Variants in FARP1 observed in about 807,000 individuals in gnomAD.
The protein encoded by FARP1 is FERM, ARH/RhoGEF and pleckstrin domain protein 1.
In FARP1, 52 loss-of-function variants were observed where a neutral mutation model predicts 128.8. The ratio of observed to expected loss-of-function variants is 0.40; its 90% CI spans 0.32 to 0.51. The LOEUF (loss-of-function observed/expected upper bound fraction) is 0.51, where lower values mean the gene tolerates loss of function less well. Among genes scored for constraint, FARP1 ranks in the 20% least tolerant of loss-of-function variants. FARP1 has a pLI of 0.45. For missense variants in FARP1, 1,333 were observed against 1,367.9 expected, an observed-to-expected ratio of 0.97 and a Z score of 0.40; for synonymous variants, 580 against 551.8, an observed-to-expected ratio of 1.05 and a Z score of -0.72.
At chr13:98,209,939 G>T (rs1009649963) in intron 1 of FARP1, among the ~76,000 whole-genome samples, 6 of 150,938 alleles carry the variant, frequency 4.0e-5, no homozygotes, top group Non-Finnish European at 8.9e-5. Flanking sequence ...CCGAGATTGC[G>T]CCACTGCACT....
rs768822264 is a variant in FARP1 at position 98,431,231 on chromosome 13, G to A, written c.2094G>A (p.Arg698=). 1.3e-6 allele frequency: 2 copies of A among 1,587,762 alleles called. No individual in the cohort carries two copies. The highest frequency in any genetic ancestry group is 8.6e-7 in the Non-Finnish European group (1 of 1,167,604). Residue 698 remains arginine, a synonymous_variant, in exon 18 of 27, where the codon CGG becomes CGA. Coordinates refer to ENST00000319562, the MANE Select transcript of FARP1 (RefSeq NM_005766.4). ...TGCACTACAAGCAGGTCCTGGAGCG[G>A]CTGTGCAAACACCACCCGCCGAGCC... ...RLMHYKQVLE[R]LCKHHPPSHA... is the part of the protein sequence containing the mutation.
intron 18 of FARP1, chr13:98,434,332 T>TAAA (rs1410595738): frequency 1.3e-5 from 2 of 152,234 alleles, no homozygotes; most frequent in African/African-American, 4.8e-5. Flanking sequence ...TGGGTGGTCA[T>TAAA]GTCTGAAAAT....
At chr13:98,321,899 A>G (rs1378087790) in intron 2 of FARP1, among the ~76,000 whole-genome samples, 1 of 152,230 alleles carries the variant, frequency 6.6e-6, no homozygotes, top group Non-Finnish European at 1.5e-5. Context: ...CTGCCACGTA[A>G]TAGCTGGGGC....
At chr13:98,358,280 A>C (rs1044034728) in intron 3 of FARP1, among the ~76,000 whole-genome samples, 2 of 152,028 alleles carry the variant, frequency 1.3e-5, no homozygotes, top group African/African-American at 4.8e-5. Flanking sequence ...TTCCTACACC[A>C]GAGCCTGGAA....
rs7325981 is a variant in FARP1, at chr13:98,370,921, C to T, written c.398+2726C>T. Among the ~76,000 whole-genome samples, 365 of 152,244 alleles carry T rather than the reference C, an allele frequency of 2.4e-3. 5 individuals carry two copies. Among genetic ancestry groups the T allele is most frequent in the African/African-American group, 7.9e-3 (329 of 41,542 alleles). On this transcript the variant is annotated intron_variant, in intron 5 of 26. Coordinates refer to ENST00000319562, the MANE Select transcript of FARP1 (RefSeq NM_005766.4). The stretch of plus-strand genomic sequence containing the variant: ...AGCTACCTGCATAGGAGGGACAGCC[C>T]GAGCTGCTAAGCCGGGTCTGCACAG...
chr13:98,278,424 G>T (rs1594352104), intron 2 of FARP1, among the ~76,000 whole-genome samples: 1 of 152,136 alleles, frequency 6.6e-6, no homozygotes, highest in East Asian at 1.9e-4. Context: ...TGTGAGCATT[G>T]TGTATATGTG....
chr13:98,439,263 C>A, intron 21 of FARP1, 67 bp downstream of exon 21: 1 of 1,111,974 alleles, frequency 9.0e-7, no homozygotes, highest in Non-Finnish European at 1.3e-6. Flanking sequence ...CGCTGCTGAC[C>A]CGGCGATGAG....
Position 98,453,532 on chromosome 13 carries a change from T to G in FARP1, c.*5215T>G, listed in dbSNP as rs1893301479. ...CAAAAAGTGAACATTGATCCATACA[T>G]GATGACACAGTAAGATTCCAGGGAT... is the stretch of plus-strand genomic sequence containing the variant. On this transcript the variant is annotated 3_prime_UTR_variant, in exon 27 of 27. Coordinates refer to ENST00000319562, the MANE Select transcript of FARP1 (RefSeq NM_005766.4). The G allele has an allele frequency of 3.8e-6, 1 of 265,778 alleles. No individual in the cohort carries two copies. Among genetic ancestry groups the G allele is most frequent in the Non-Finnish European group, 7.1e-6 (1 of 140,668 alleles). 16.5% of individuals were successfully genotyped at this position (265,778 alleles called of 1,614,324 possible). A position where few individuals can be genotyped will look rare whatever the true frequency, so the allele number is the denominator to read the frequency against.
chr13:98,190,423 T>C (rs1879143074), intron 1 of FARP1, among the ~76,000 whole-genome samples: 1 of 152,200 alleles, frequency 6.6e-6, no homozygotes, highest in South Asian at 2.1e-4. Flanking sequence ...TTTAACTCTG[T>C]ATATGTTTAT....
At chr13:98,271,598 TC>T (rs1884393909) in intron 2 of FARP1, among the ~76,000 whole-genome samples, 1 of 152,060 alleles carries the variant, frequency 6.6e-6, no homozygotes, top group African/African-American at 2.4e-5. Flanking sequence ...TATGTGATAT[TC>T]CCCTCCCTGG....
intron 8 of FARP1, among the ~76,000 whole-genome samples, chr13:98,386,724 G>A (rs746590971): frequency 2.6e-5 from 4 of 152,174 alleles, no homozygotes; most frequent in Non-Finnish European, 4.4e-5. Flanking sequence ...ATTTCACCCA[G>A]TTAGGAAGTT....
At chr13:98,250,068 C>T (rs1223543325) in intron 2 of FARP1, among the ~76,000 whole-genome samples, 1 of 152,162 alleles carries the variant, frequency 6.6e-6, no homozygotes, top group Non-Finnish European at 1.5e-5. Flanking sequence ...TGAGAAAATA[C>T]ATCGCTTTAA....
chr13:98,358,418 C>G (rs1352157898), intron 3 of FARP1, among the ~76,000 whole-genome samples: 1 of 152,020 alleles, frequency 6.6e-6, no homozygotes, highest in African/African-American at 2.4e-5. Flanking sequence ...TATATTTTCT[C>G]CATTTTTGGA....
intron 17 of FARP1, among the ~76,000 whole-genome samples, chr13:98,427,830 C>G (rs1891845181): frequency 6.6e-6 from 1 of 152,224 alleles, no homozygotes; most frequent in Non-Finnish European, 1.5e-5. Context: ...GCATGGAGCT[C>G]TGTGCAAGCA....
intron 2 of FARP1, among the ~76,000 whole-genome samples, chr13:98,262,546 G>A (rs1400508205): frequency 1.3e-5 from 2 of 152,148 alleles, no homozygotes; most frequent in Non-Finnish European, 2.9e-5. Flanking sequence ...AAAATGGACA[G>A]AAATGAAAGG....
intron 2 of FARP1, among the ~76,000 whole-genome samples, chr13:98,331,057 G>A (rs1333354882): frequency 1.3e-5 from 2 of 152,088 alleles, no homozygotes; most frequent in African/African-American, 2.4e-5. Flanking sequence ...TGCATTTGAC[G>A]GAGCTTACAG....
At chr13:98,160,656 A>AT (rs1566679450) in intron 1 of FARP1, among the ~76,000 whole-genome samples, 2 of 151,984 alleles carry the variant, frequency 1.3e-5, no homozygotes, top group African/African-American at 4.8e-5. Flanking sequence ...ATTTTTAAAA[A>AT]TTTTTTTAAT....
chr13:98,363,275 C>G (rs2139957015), intron 3 of FARP1, among the ~76,000 whole-genome samples: 1 of 152,282 alleles, frequency 6.6e-6, no homozygotes, highest in African/African-American at 2.4e-5. Flanking sequence ...TTCATAGATT[C>G]TGCTTGTCTT....
chr13:98,252,831 C>T (rs1173597024), intron 2 of FARP1, among the ~76,000 whole-genome samples: 1 of 152,128 alleles, frequency 6.6e-6, no homozygotes, highest in African/African-American at 2.4e-5. Flanking sequence ...CCCAGTGAGC[C>T]CCGGTGATCA....
Sources: allele counts gnomAD v4.1 joint callset (sites outside exome capture counted in the v4.1 genomes callset), GRCh38; gene constraint gnomAD v4.1.1; transcripts MANE v1.5; gene names NCBI Gene and HGNC (gene_info 2026-07-23, HGNC 2026-07-21).